Variants in NSRP1 observed in about 807,000 individuals in gnomAD.
The protein encoded by NSRP1 is nuclear speckle splicing regulatory protein 1.
A neutral mutation model predicts 54.7 loss-of-function variants in NSRP1; 24 were observed. The ratio of observed to expected loss-of-function variants is 0.44; its 90% confidence interval spans 0.32 to 0.62. NSRP1 has a LOEUF of 0.62. NSRP1 is among the 20% of genes least tolerant of loss of function. The pLI, the probability that NSRP1 is intolerant of heterozygous loss-of-function variation, is 0.06. For missense variants in NSRP1, 596 were observed against 651.2 expected, an observed-to-expected ratio of 0.92 and a Z score of 0.92; for synonymous variants, 210 against 213.8, an observed-to-expected ratio of 0.98 and a Z score of 0.15.
intron 2 of NSRP1, among the ~76,000 whole-genome samples, chr17:30,153,089 A>AT (rs2071929333): frequency 6.6e-6 from 1 of 150,742 alleles, no homozygotes; most frequent in Non-Finnish European, 1.5e-5. Flanking sequence ...TAATTTTTGT[A>AT]TTTTTTTAGT....
At chr17:30,117,730 G>A (rs1004446162) in intron 1 of NSRP1, among the ~76,000 whole-genome samples, 1 of 150,956 alleles carries the variant, frequency 6.6e-6, no homozygotes, top group Non-Finnish European at 1.5e-5. Flanking sequence ...AATCTTTAGT[G>A]GACATGAACT....
At chr17:30,117,209 T>A (rs1417110082) in intron 1 of NSRP1, 2 of 644,496 alleles carry the variant, frequency 3.1e-6, no homozygotes, top group African/African-American at 1.8e-5. Flanking sequence ...TCAGGGGCAG[T>A]GTGAAGAGAG....
chr17:30,161,366 CTT>C (rs1904509746), intron 2 of NSRP1, among the ~76,000 whole-genome samples: 2 of 152,028 alleles, frequency 1.3e-5, no homozygotes, highest in Admixed American at 6.6e-5. Flanking sequence ...ATTTTTGTCT[CTT>C]GTCTGTGGAT....
chr17:30,161,879 T>G (rs548851310), intron 2 of NSRP1, among the ~76,000 whole-genome samples: 1 of 152,318 alleles, frequency 6.6e-6, no homozygotes, highest in South Asian at 2.1e-4. Context: ...TAATACCATT[T>G]TTAAAATATT....
intron 2 of NSRP1, among the ~76,000 whole-genome samples, chr17:30,148,125 T>A (rs765086389): frequency 8.5e-5 from 13 of 152,198 alleles, no homozygotes; most frequent in Admixed American, 2.0e-4. Context: ...TGACAATTTT[T>A]TATAAATCAC....
chr17:30,135,190 C>T (rs1297071699), intron 2 of NSRP1, among the ~76,000 whole-genome samples: 1 of 152,088 alleles, frequency 6.6e-6, no homozygotes, highest in East Asian at 1.9e-4. Context: ...GCAGTGACAG[C>T]TCACTGCAAC....
At chr17:30,116,974 G>T in intron 1 of NSRP1, 111 bp downstream of exon 1, 1 of 1,343,414 alleles carries the variant, frequency 7.4e-7, no homozygotes, top group Non-Finnish European at 1.0e-6. Context: ...TGTCGTCAAG[G>T]GTAGAGACGG....
intron 1 of NSRP1, chr17:30,117,875 C>G: frequency 2.3e-6 from 1 of 427,288 alleles, no homozygotes; most frequent in Non-Finnish European, 4.2e-6. Flanking sequence ...CCCGTGTCCA[C>G]AAATGATCAC....
Position 30,185,841 on chromosome 17 carries a change from G to T in NSRP1, c.*167G>T. ...AGTCTTACAGCTTGGATGTTTGGAT[G>T]TGGATGTTTGGCTGAATTTATATAT... On this transcript the variant is annotated 3_prime_UTR_variant, in exon 7 of 7. Coordinates refer to ENST00000247026, the MANE Select transcript of NSRP1 (RefSeq NM_032141.4). The T allele has an allele frequency of 1.6e-6, 1 of 643,416 alleles. No individual in the cohort carries two copies. The highest frequency in any genetic ancestry group is 2.5e-6 in the Non-Finnish European group (1 of 401,072). The allele number at this position is 643,416 out of a possible 1,614,324, so 39.9% of individuals were successfully genotyped here.
intron 2 of NSRP1, among the ~76,000 whole-genome samples, chr17:30,138,421 A>G (rs2071768681): frequency 6.6e-6 from 1 of 152,172 alleles, no homozygotes; most frequent in African/African-American, 2.4e-5. Flanking sequence ...AGTCCCTGAT[A>G]TAAAATGGCA....
chr17:30,153,373 T>A (rs1360901182), intron 2 of NSRP1, among the ~76,000 whole-genome samples: 1 of 152,188 alleles, frequency 6.6e-6, no homozygotes, highest in Admixed American at 6.5e-5. Context: ...AATGTACACA[T>A]TTCATTGTGT....
At chr17:30,160,345 C>T (rs750594550) in intron 2 of NSRP1, among the ~76,000 whole-genome samples, 32 of 152,200 alleles carry the variant, frequency 2.1e-4, no homozygotes, top group Middle Eastern at 6.8e-3. Context: ...GAATTCCCTT[C>T]TCTTTTATTT....
chr17:30,178,105 A>T lies in NSRP1; in HGVS notation c.206A>T (p.Asp69Val). The change falls in exon 4 of 7, where the codon GAT (aspartate) becomes GTT (valine). Residue 69 changes from aspartate to valine, a missense_variant. Transcript: ENST00000247026. ...KLEIQKALAE[D>V]ATVYEYDSIY... ...GAAATCCAGAAGGCCCTTGCAGAAG[A>T]TGCTACTGTGTATGAATATGACAGT... is the stretch of plus-strand genomic sequence containing the variant. The T allele has an allele frequency of 6.2e-7, 1 of 1,612,444 alleles. No individual in the cohort carries two copies. The highest frequency in any genetic ancestry group is 8.5e-7 in the Non-Finnish European group (1 of 1,179,448).
intron 2 of NSRP1, among the ~76,000 whole-genome samples, chr17:30,164,208 T>A (rs1182805131): frequency 6.6e-6 from 1 of 152,184 alleles, no homozygotes; most frequent in East Asian, 1.9e-4. Context: ...GATTATAATC[T>A]TTTTGTAGCA....
intron 2 of NSRP1, among the ~76,000 whole-genome samples, chr17:30,160,325 G>A (rs1447571281): frequency 6.6e-6 from 1 of 152,148 alleles, no homozygotes; most frequent in Non-Finnish European, 1.5e-5. Context: ...TTCACAGAAT[G>A]AGTTAGGAAG....
Position 30,185,343 on chromosome 17 carries a change from G to T in NSRP1, c.1346G>T (p.Arg449Ile), listed in dbSNP as rs745438267. 2.5e-6 allele frequency: 4 copies of T among 1,610,902 alleles called. No homozygotes were observed. The highest frequency in any genetic ancestry group is 3.4e-6 in the Non-Finnish European group (4 of 1,179,220). ...KREVGVQSSERNQDRKESSPN... is the reference protein window; with the variant it reads ...KREVGVQSSEINQDRKESSPN... ...GAGGTAGGTGTTCAGTCTTCAGAAA[G>T]AAATCAAGACAGAAAGGAAAGCAGC... Residue 449 changes from arginine to isoleucine, a missense_variant, in exon 7 of 7, where the codon AGA (arginine) becomes ATA (isoleucine). Coordinates refer to ENST00000247026, the MANE Select transcript of NSRP1 (RefSeq NM_032141.4).
chr17:30,119,931 TA>T lies in NSRP1; in HGVS notation c.114+1762del, dbSNP rs536761271. Among the ~76,000 whole-genome samples the T allele has an allele frequency of 2.5e-3, 385 of 152,342 alleles. 1 individual carries two copies. Among genetic ancestry groups the T allele is most frequent in the African/African-American group, 6.6e-3 (273 of 41,584 alleles). On this transcript the variant is annotated intron_variant, in intron 2 of 6. Coordinates refer to ENST00000247026, the MANE Select transcript of NSRP1 (RefSeq NM_032141.4). Reference sequence around the variant, plus strand: ...TAAAAATTGAGGTATAATTTACATATAAAATGCTCAGATTTTAAGTGTACAG... The same window carrying T: ...TAAAAATTGAGGTATAATTTACATATAAATGCTCAGATTTTAAGTGTACAG...
chr17:30,152,021 G>A (rs904561547), intron 2 of NSRP1, among the ~76,000 whole-genome samples: 1 of 151,764 alleles, frequency 6.6e-6, no homozygotes, highest in Non-Finnish European at 1.5e-5. Context: ...TACCTGCCTC[G>A]GTCTCCCAAA....
chr17:30,162,472 G>A (rs910434679), intron 2 of NSRP1, among the ~76,000 whole-genome samples: 103 of 152,304 alleles, frequency 6.8e-4, no homozygotes, highest in African/African-American at 2.3e-3. Context: ...AATAGAGATT[G>A]CTGAGTTGTA....
Sources: allele counts gnomAD v4.1 joint callset (sites outside exome capture counted in the v4.1 genomes callset), GRCh38; gene constraint gnomAD v4.1.1; transcripts MANE v1.5; gene names NCBI Gene and HGNC (gene_info 2026-07-23, HGNC 2026-07-21).